ATP11A: variants seen among roughly 807,000 people sequenced by gnomAD.
The protein encoded by ATP11A is ATPase phospholipid transporting 11A.
In ATP11A, 81 loss-of-function variants were observed where a neutral mutation model predicts 154.4. The observed-to-expected ratio is 0.52, with a 90% CI of 0.44 to 0.63. ATP11A has a LOEUF of 0.63. Among genes scored for constraint, ATP11A ranks in the 30% least tolerant of loss-of-function variants. ATP11A has a pLI of 0.00. For missense variants in ATP11A, 1,316 were observed against 1,474.3 expected (o/e 0.89, Z 1.76); for synonymous variants, 623 against 585.9 (o/e 1.06, Z -0.91).
chr13:112,873,763 C>G lies in ATP11A; in HGVS notation c.3161+87C>G, dbSNP rs114292769. On this transcript the variant is annotated intron_variant, in intron 27 of 29. Coordinates refer to ENST00000375645, the MANE Select transcript of ATP11A (RefSeq NM_015205.3). ...AAGGGTTGAAGACACATTTTCCGTG[C>G]GGCCCTGTTGGTTGGGGCAAGTGTT... The G allele has an allele frequency of 9.0e-6, 12 of 1,336,964 alleles. No homozygotes were observed. The Admixed American group carries it at 1.3e-4, about 15-fold the overall frequency. 82.8% of individuals were successfully genotyped at this position (1,336,964 alleles called of 1,614,324 possible). A position where few individuals can be genotyped will look rare whatever the true frequency, so the allele number is the denominator to read the frequency against.
intron 1 of ATP11A, among the ~76,000 whole-genome samples, chr13:112,707,415 CAAAAAAA>C (rs35020608): frequency 3.7e-5 from 3 of 80,710 alleles, no homozygotes; most frequent in Non-Finnish European, 5.2e-5. Context: ...AATTCTGTCT[CAAAAAAA>C]AAAAAAAAAA....
chr13:112,808,323 A>C (rs907564336), intron 4 of ATP11A, among the ~76,000 whole-genome samples: 2 of 151,996 alleles, frequency 1.3e-5, no homozygotes, highest in African/African-American at 4.8e-5. Context: ...GCAAATGAAC[A>C]GAGCTGCAGT....
chr13:112,820,001 A>C (rs569466425), intron 8 of ATP11A, 51 bp downstream of exon 8: 2 of 1,499,986 alleles, frequency 1.3e-6, no homozygotes, highest in African/African-American at 2.8e-5. Flanking sequence ...TTGTTGCGTT[A>C]GAAATGCATT....
At chr13:112,847,364 G>GT (rs1555338476) in intron 17 of ATP11A, among the ~76,000 whole-genome samples, 3 of 152,176 alleles carry the variant, frequency 2.0e-5, no homozygotes, top group Non-Finnish European at 4.4e-5. Context: ...CCACCACTGT[G>GT]TTTTTTTCTA....
At chr13:112,816,034 T>C in intron 5 of ATP11A, 49 bp from the exon 6 acceptor site, 10 of 1,610,994 alleles carry the variant, frequency 6.2e-6, no homozygotes, top group East Asian at 2.2e-5. Flanking sequence ...ACGGGCAAGC[T>C]TTCACGGAGG....
chr13:112,843,471 A>G (rs1212832513), intron 17 of ATP11A, among the ~76,000 whole-genome samples: 1 of 152,142 alleles, frequency 6.6e-6, no homozygotes, highest in Non-Finnish European at 1.5e-5. Flanking sequence ...CGACCTTATC[A>G]TCTTTTCATG....
rs199843853 is a variant in ATP11A at position 112,831,560 on chromosome 13, C to A, written c.1395+12C>A. On this transcript the variant is annotated intron_variant, in intron 13 of 29. Transcript: ENST00000375645. ...GCGTCAACGGGAGGGTAGGTGGCAGCCCCCACGCCGTCCAAGTGTGTGAGT... is the reference window on the plus strand; with the variant it reads ...GCGTCAACGGGAGGGTAGGTGGCAGACCCCACGCCGTCCAAGTGTGTGAGT... 7.6e-5 allele frequency: 123 copies of A among 1,612,126 alleles called. No homozygotes were observed. In the African/African-American group the frequency reaches 1.5e-3, roughly 19 times the overall value.
Position 112,823,375 on chromosome 13 carries a change from A to G in ATP11A, c.756A>G (p.Arg252=), listed in dbSNP as rs1210877278. ...TAGGATCGGAAAACCTGCTGCTTAGAGGAGCTACACTGAAGAACACTGAGA... is the reference window on the plus strand; with the variant it reads ...TAGGATCGGAAAACCTGCTGCTTAGGGGAGCTACACTGAAGAACACTGAGA... ...RPLGSENLLL[R]GATLKNTEKI... The change falls in exon 9 of 30, where the codon AGA becomes AGG. Residue 252 remains arginine (R), a synonymous_variant. Transcript: ENST00000375645. The G allele has an allele frequency of 1.2e-6, 2 of 1,613,662 alleles. No individual in the cohort carries two copies. The highest frequency in any genetic ancestry group is 1.7e-6 in the Non-Finnish European group (2 of 1,179,744).
In ATP11A at chr13:112,854,288, G is replaced by C; in HGVS notation, c.2001G>C (p.Glu667Asp). ...GATAVEDRLQ[E>D]KAADTIEALQ... ...GTTTTGCCTCCCTCAGGCTGCAGGAGAAAGCTGCAGACACCATCGAGGCCC... is the reference window on the plus strand; with the variant it reads ...GTTTTGCCTCCCTCAGGCTGCAGGACAAAGCTGCAGACACCATCGAGGCCC... Residue 667 changes from glutamate to aspartate, a missense_variant, in exon 19 of 30, where the codon GAG (glutamate) becomes GAC (aspartate). By Grantham distance (45) the Glu-to-Asp change is conservative (BLOSUM62 2). Around this residue, in one of 5 missense-constraint regions of ATP11A, gnomAD observed 876 missense variants for 1,006.8 expected, o/e 0.87. Coordinates refer to ENST00000375645, the MANE Select transcript of ATP11A (RefSeq NM_015205.3). 6.2e-7 allele frequency: 1 copy of C among 1,614,116 alleles called. No homozygotes were observed. The highest frequency in any genetic ancestry group is 8.5e-7 in the Non-Finnish European group (1 of 1,180,030).
At chr13:112,877,348 T>A (rs1033371684) in intron 28 of ATP11A, among the ~76,000 whole-genome samples, 1 of 151,954 alleles carries the variant, frequency 6.6e-6, no homozygotes, top group Non-Finnish European at 1.5e-5. Flanking sequence ...CCAGTGGTGG[T>A]TTTCTCTAAG....
At chr13:112,818,354 G>A (rs767309696) in intron 6 of ATP11A, among the ~76,000 whole-genome samples, 9 of 151,526 alleles carry the variant, frequency 5.9e-5, no homozygotes, top group South Asian at 2.1e-4. Flanking sequence ...GTGACGGAAC[G>A]GTGATCATTT....
At chr13:112,846,339 CGTTTCTTTAGAGACG>C (rs1218488640) in intron 17 of ATP11A, among the ~76,000 whole-genome samples, 1 of 152,178 alleles carries the variant, frequency 6.6e-6, no homozygotes, top group Non-Finnish European at 1.5e-5. Flanking sequence ...AGGTTTTCCA[CGTTTCTTTAGAGACG>C]GTTTCTGTTG....
chr13:112,870,363 T>C (rs1355887034), intron 25 of ATP11A, among the ~76,000 whole-genome samples: 1 of 152,192 alleles, frequency 6.6e-6, no homozygotes, highest in Admixed American at 6.5e-5. Context: ...AACTGAATTC[T>C]GAAGAACAGC....
chr13:112,796,428 T>C (rs1347707865), intron 2 of ATP11A, among the ~76,000 whole-genome samples: 1 of 152,164 alleles, frequency 6.6e-6, no homozygotes, highest in Non-Finnish European at 1.5e-5. Context: ...GAGGCACTTG[T>C]AAGTGGAAGA....
At position 112,753,476 on chromosome 13, in the gene ATP11A, C is replaced by T. The variant is rs139619074; in HGVS notation, c.40-31659C>T. 2.0e-5 allele frequency among the ~76,000 whole-genome samples: 3 copies of T among 152,354 alleles called. No individual in the cohort carries two copies. Among genetic ancestry groups the T allele is most frequent in the African/African-American group, 4.8e-5 (2 of 41,588 alleles). On this transcript the variant is annotated intron_variant, in intron 1 of 29. Coordinates refer to ENST00000375645, the MANE Select transcript of ATP11A (RefSeq NM_015205.3). This position sits in a 1 kb window ranked among gnomAD's most constrained non-coding sequence, Gnocchi z 4.1. ...CCTGCGCTGCCCGGCTTGCCAGCTTCTGGGCCTGCCTACCGCTGCTGGATG... is the reference window on the plus strand; with the variant it reads ...CCTGCGCTGCCCGGCTTGCCAGCTTTTGGGCCTGCCTACCGCTGCTGGATG...
intron 1 of ATP11A, among the ~76,000 whole-genome samples, chr13:112,736,768 A>C (rs981096244): frequency 6.6e-6 from 1 of 152,216 alleles, no homozygotes; most frequent in African/African-American, 2.4e-5. Context: ...CTAAACTTAC[A>C]TTGAGACTAA....
chr13:112,809,484 C>G (rs2078425685), intron 4 of ATP11A, among the ~76,000 whole-genome samples: 1 of 152,206 alleles, frequency 6.6e-6, no homozygotes, highest in Admixed American at 6.5e-5. Context: ...CCCACAGGCT[C>G]TTGCAACCTA....
chr13:112,823,099 G>A (rs1348350941), intron 8 of ATP11A, among the ~76,000 whole-genome samples: 3 of 152,180 alleles, frequency 2.0e-5, no homozygotes, highest in Non-Finnish European at 2.9e-5. Flanking sequence ...TCCCGCATGC[G>A]CCAATGGGAG....
At chr13:112,795,881 A>G (rs1275569768) in intron 2 of ATP11A, among the ~76,000 whole-genome samples, 1 of 152,262 alleles carries the variant, frequency 6.6e-6, no homozygotes, top group Admixed American at 6.5e-5. Context: ...GAATCATTAA[A>G]TAATTTGCTG....
Sources: gnomAD v4.1 joint callset for allele counts (sites outside exome capture counted in the v4.1 genomes callset) on GRCh38, gnomAD v4.1.1 for gene constraint, gnomAD v4.1.1 regional missense constraint, Gnocchi (gnomAD v3.1) non-coding constraint, MANE v1.5 for transcripts, NCBI Gene and HGNC (gene_info 2026-07-23, HGNC 2026-07-21) for gene names.